The following TTBK2 variants were observed in gnomAD, a reference collection of about 807,000 sequenced individuals.
TTBK2 encodes the protein tau-tubulin kinase 2.
In TTBK2, 28 loss-of-function variants were observed where a neutral mutation model predicts 110.8. The ratio of observed to expected loss-of-function variants is 0.25; its 90% CI spans 0.19 to 0.35. TTBK2 has a LOEUF of 0.35. Ranked by LOEUF, TTBK2 falls within the 10% of genes least tolerant of loss-of-function variation. TTBK2 has a pLI of 1.00. For synonymous variants in TTBK2, 532 were observed against 527.3 expected, an observed-to-expected ratio of 1.01 and a Z score of -0.12; for missense variants, 1,369 against 1,500.3, an observed-to-expected ratio of 0.91 and a Z score of 1.45.
chr15:42,815,939 TATATATATTTAAAAAAAAA>T lies in TTBK2; in HGVS notation c.603+1074_603+1092del, dbSNP rs1567040440. On this transcript the variant is annotated intron_variant, in intron 7 of 14. Transcript: ENST00000267890. ...ATATATATATATTTAAAAATATATA[TATATATATTTAAAAAAAAA>T]ATATATATATATATATATATTTGAG... Among the ~76,000 whole-genome samples the T allele has an allele frequency of 7.6e-3, 207 of 27,364 alleles. 5 individuals carry two copies. The highest frequency in any genetic ancestry group is 0.036 in the African/African-American group (191 of 5,250). 18.0% of individuals were successfully genotyped at this position (27,364 alleles called of 152,430 possible). A position where few individuals can be genotyped will look rare whatever the true frequency, so the allele number is the denominator to read the frequency against.
At chr15:42,852,852 C>T (rs1393890062) in intron 3 of TTBK2, among the ~76,000 whole-genome samples, 1 of 152,068 alleles carries the variant, frequency 6.6e-6, no homozygotes. Flanking sequence ...AAGAAAAATG[C>T]AGAGGATGAA....
chr15:42,862,817 G>A (rs1567065662), intron 3 of TTBK2, among the ~76,000 whole-genome samples: 2 of 152,274 alleles, frequency 1.3e-5, no homozygotes, highest in Middle Eastern at 3.4e-3. Context: ...GAACCAAGGA[G>A]GCAGAGGTTG....
chr15:42,761,754 C>T lies in TTBK2; in HGVS notation c.1999-8507G>A, dbSNP rs556210990. 6.6e-5 allele frequency among the ~76,000 whole-genome samples: 10 copies of T among 152,294 alleles called. No homozygotes were observed. The East Asian group carries it at 1.9e-3, about 29-fold the overall frequency. ...AAAACCACAATGAGATATTGTATCA[C>T]CCCAGTAAAAATGGCTATCATCAAA... On this transcript the variant is annotated intron_variant, in intron 13 of 14. Coordinates refer to ENST00000267890, the MANE Select transcript of TTBK2 (RefSeq NM_173500.4).
intron 11 of TTBK2, among the ~76,000 whole-genome samples, chr15:42,778,360 C>G (rs939281677): frequency 1.3e-5 from 2 of 149,346 alleles, no homozygotes; most frequent in African/African-American, 2.5e-5. Context: ...AAAGAAATTA[C>G]CTAGAATAAA....
intron 13 of TTBK2, among the ~76,000 whole-genome samples, chr15:42,763,172 A>ATATC: frequency 7.0e-5 from 1 of 14,326 alleles, no homozygotes. Flanking sequence ...ATATATATAT[A>ATATC]TATATATATA....
chr15:42,878,803 G>A, intron 1 of TTBK2, 119 bp from the exon 2 acceptor site: 2 of 1,300,298 alleles, frequency 1.5e-6, no homozygotes, highest in Admixed American at 2.4e-5. Context: ...ATTTTGTTGG[G>A]AAGAAGGGGA....
chr15:42,777,107 A>T lies in TTBK2; in HGVS notation c.1333T>A (p.Ser445Thr). The stretch of plus-strand genomic sequence containing the variant: ...TTTTCCAGCTCAAAGCTGTGAATGG[A>T]ACGTAACTTTCGCACCAGTGGAATA... ...RDIPLVRKLR[S>T]IHSFELEKRL... The change falls in exon 12 of 15, where the codon TCC (serine) becomes ACC (threonine). Residue 445 changes from serine (S) to threonine (T), a missense_variant. Ser to Thr is a moderately conservative substitution (Grantham distance 58, BLOSUM62 1). Around this residue, in one of 4 missense-constraint regions of TTBK2, gnomAD observed 1,097 missense variants for 1,114.7 expected, o/e 0.98. Coordinates refer to ENST00000267890, the MANE Select transcript of TTBK2 (RefSeq NM_173500.4). 6.2e-7 allele frequency: 1 copy of T among 1,614,206 alleles called. No homozygotes were observed. The highest frequency in any genetic ancestry group is 8.5e-7 in the Non-Finnish European group (1 of 1,180,050).
chr15:42,911,812 G>A (rs2030769137), intron 1 of TTBK2, among the ~76,000 whole-genome samples: 1 of 152,172 alleles, frequency 6.6e-6, no homozygotes, highest in Admixed American at 6.5e-5. Context: ...GAGGAAATAA[G>A]CATAACATAC....
At chr15:42,763,157 C>CGT (rs1889132046) in intron 13 of TTBK2, among the ~76,000 whole-genome samples, 14 of 20,472 alleles carry the variant, frequency 6.8e-4, no homozygotes, top group African/African-American at 2.7e-3. Context: ...TATATATATA[C>CGT]ATATATATAT....
chr15:42,817,778 G>C (rs1892100492), intron 6 of TTBK2, among the ~76,000 whole-genome samples: 1 of 152,090 alleles, frequency 6.6e-6, no homozygotes, highest in Non-Finnish European at 1.5e-5. Flanking sequence ...GATTTACCAT[G>C]GTTTCTTTCA....
At position 42,743,079 on chromosome 15, in the gene TTBK2, C is replaced by T. The variant is rs1595869396; in HGVS notation, c.*2716G>A. 6.6e-6 allele frequency: 1 copy of T among 152,188 alleles called. No homozygotes were observed. The highest frequency in any genetic ancestry group is 1.5e-5 in the Non-Finnish European group (1 of 68,032). 9.4% of individuals were successfully genotyped at this position (152,188 alleles called of 1,614,324 possible). A position where few individuals can be genotyped will look rare whatever the true frequency, so the allele number is the denominator to read the frequency against. Reference sequence around the variant, plus strand: ...AAGTAAATCTCTACATAGGACAATACTTATAAGCAGACCTATTGATACCAC... The same window carrying T: ...AAGTAAATCTCTACATAGGACAATATTTATAAGCAGACCTATTGATACCAC... On this transcript the variant is annotated 3_prime_UTR_variant, in exon 15 of 15. Transcript: ENST00000267890.
intron 11 of TTBK2, 29 bp downstream of exon 11, chr15:42,783,390 A>G (rs960266185): frequency 1.9e-6 from 3 of 1,601,370 alleles, no homozygotes; most frequent in Middle Eastern, 1.7e-4. Context: ...GTAAGAAATA[A>G]ATTTCTGTTG....
At chr15:42,871,474 A>G (rs1894612558) in intron 3 of TTBK2, 3 of 985,214 alleles carry the variant, frequency 3.0e-6, no homozygotes, top group Admixed American at 6.2e-5. Flanking sequence ...GCCAAGTAGG[A>G]GAAAGGTGAA....
rs887839431 is a variant in TTBK2 at position 42,740,146 on chromosome 15, G to C, written c.*5649C>G. On this transcript the variant is annotated 3_prime_UTR_variant, in exon 15 of 15. Transcript: ENST00000267890. ...CCTAGGTCAAGGAACCCAGAGCCAG[G>C]GTACCTGGGAGGCATGGTCAGCATC... 5 of 152,092 alleles carry C rather than the reference G, an allele frequency of 3.3e-5. No individual in the cohort carries two copies. Among genetic ancestry groups the C allele is most frequent in the Admixed American group, 3.3e-4 (5 of 15,268 alleles). The allele number at this position is 152,092 out of a possible 1,614,324, so 9.4% of individuals were successfully genotyped here.
chr15:42,809,296 A>G (rs1321411249), intron 9 of TTBK2, among the ~76,000 whole-genome samples: 1 of 152,358 alleles, frequency 6.6e-6, no homozygotes, highest in South Asian at 2.1e-4. Context: ...GTGATAGAAA[A>G]GCCCTTAGGA....
intron 7 of TTBK2, among the ~76,000 whole-genome samples, chr15:42,815,552 G>A (rs1271947208): frequency 6.6e-6 from 1 of 151,978 alleles, no homozygotes; most frequent in African/African-American, 2.4e-5. Context: ...TACTCATAAA[G>A]TTCGGGATGA....
At chr15:42,859,442 C>T (rs999440162) in intron 3 of TTBK2, among the ~76,000 whole-genome samples, 1 of 152,092 alleles carries the variant, frequency 6.6e-6, no homozygotes, top group East Asian at 1.9e-4. Flanking sequence ...ATGGATCTGG[C>T]GGAGAGGAAA....
At chr15:42,816,081 A>AT (rs1891995255) in intron 7 of TTBK2, among the ~76,000 whole-genome samples, 83 of 60,286 alleles carry the variant, frequency 1.4e-3, no homozygotes, top group East Asian at 3.6e-3. Flanking sequence ...AAAATAAATA[A>AT]ATAAATATAT....
At chr15:42,767,559 C>T (rs1595890318) in intron 13 of TTBK2, among the ~76,000 whole-genome samples, 1 of 151,970 alleles carries the variant, frequency 6.6e-6, no homozygotes, top group Non-Finnish European at 1.5e-5. Flanking sequence ...AAGACTAAAC[C>T]AGGAAGAAGT....
Sources: allele counts gnomAD v4.1 joint callset (sites outside exome capture counted in the v4.1 genomes callset), GRCh38; gene constraint gnomAD v4.1.1; regional missense constraint gnomAD v4.1.1; transcripts MANE v1.5; gene names NCBI Gene and HGNC (gene_info 2026-07-23, HGNC 2026-07-21).